DCDC1: variants seen among roughly 807,000 people sequenced by gnomAD.
DCDC1 encodes doublecortin domain containing 1.
Under a neutral mutation model 178.3 loss-of-function variants are expected in DCDC1, and 200 were observed. The ratio of observed to expected loss-of-function variants is 1.12; its 90% CI spans 1.00 to 1.26. The LOEUF (loss-of-function observed/expected upper bound fraction) is 1.26, where lower values mean the gene tolerates loss of function less well. Ranked by LOEUF, DCDC1 falls within the 50% of genes most tolerant of loss-of-function variation. DCDC1 has a pLI of 0.00. For missense variants in DCDC1, 1,983 were observed against 1,749.2 expected (o/e 1.13, Z -2.38); for synonymous variants, 690 against 604.8 (o/e 1.14, Z -2.07).
chr11:30,921,259 C>T (rs1297203047), intron 24 of DCDC1, among the ~76,000 whole-genome samples: 3 of 152,126 alleles, frequency 2.0e-5, no homozygotes, highest in Non-Finnish European at 4.4e-5. Context: ...GTGGAAGTCC[C>T]AGTCCCAGTC....
intron 2 of DCDC1, 120 bp from the exon 3 acceptor site, chr11:31,328,406 G>T: frequency 1.1e-6 from 1 of 935,762 alleles, no homozygotes; most frequent in Non-Finnish European, 1.5e-6. Flanking sequence ...ATATAGCAAT[G>T]ATTAAATGTG....
At chr11:30,982,672 A>C (rs553581251) in intron 20 of DCDC1, among the ~76,000 whole-genome samples, 15 of 152,286 alleles carry the variant, frequency 9.8e-5, no homozygotes, top group African/African-American at 2.9e-4. Context: ...ATTAGATCGT[A>C]TATCTCTAAA....
At chr11:31,100,064 C>G (rs1214706947) in intron 15 of DCDC1, among the ~76,000 whole-genome samples, 1 of 152,006 alleles carries the variant, frequency 6.6e-6, no homozygotes, top group African/African-American at 2.4e-5. Flanking sequence ...AAACCCTGTG[C>G]TAGGATATGG....
intron 13 of DCDC1, among the ~76,000 whole-genome samples, chr11:31,104,915 T>C (rs1215047450): frequency 6.6e-6 from 1 of 151,914 alleles, no homozygotes; most frequent in African/African-American, 2.4e-5. Context: ...TTTTTCAAAA[T>C]AAAAAATTGA....
At chr11:30,958,894 G>A (rs1413583864) in intron 20 of DCDC1, among the ~76,000 whole-genome samples, 1 of 152,078 alleles carries the variant, frequency 6.6e-6, no homozygotes, top group Non-Finnish European at 1.5e-5. Context: ...GGAGGCAAAG[G>A]TCTGAAACCC....
rs576887858 is a variant in DCDC1 at position 30,945,833 on chromosome 11, A to T, written c.2715+6612T>A. ...TATAATTGTTTCTCTTTCCCTACAT[A>T]AAAAAAGTATCTTCTTGTGAGGCAG... On this transcript the variant is annotated intron_variant, in intron 21 of 38. Transcript: ENST00000684477. Among the ~76,000 whole-genome samples the T allele has an allele frequency of 4.7e-4, 71 of 152,116 alleles. No homozygotes were observed. In the South Asian group the frequency reaches 0.014, roughly 29 times the overall value.
At chr11:30,880,471 C>G (rs1043374542) in intron 37 of DCDC1, among the ~76,000 whole-genome samples, 2 of 152,124 alleles carry the variant, frequency 1.3e-5, no homozygotes, top group African/African-American at 4.8e-5. Context: ...TTTATGGTGA[C>G]TTCTTAAAAG....
intron 21 of DCDC1, among the ~76,000 whole-genome samples, chr11:30,934,642 T>A (rs575047264): frequency 6.6e-6 from 1 of 152,236 alleles, no homozygotes; most frequent in East Asian, 1.9e-4. Context: ...CACAGAGTCT[T>A]ATAGGTCTCA....
intron 9 of DCDC1, among the ~76,000 whole-genome samples, chr11:31,206,413 G>T (rs1229436488): frequency 5.3e-5 from 8 of 151,932 alleles, no homozygotes; most frequent in Admixed American, 5.3e-4. Flanking sequence ...TTCTGTGTTT[G>T]TTTGTTTGTT....
At chr11:31,009,262 T>C (rs1367937072) in intron 20 of DCDC1, among the ~76,000 whole-genome samples, 1 of 152,178 alleles carries the variant, frequency 6.6e-6, no homozygotes, top group East Asian at 1.9e-4. Flanking sequence ...GGTATAATAG[T>C]TCATATCCAA....
chr11:31,196,846 T>C (rs1392791268), intron 9 of DCDC1, among the ~76,000 whole-genome samples: 1 of 152,100 alleles, frequency 6.6e-6, no homozygotes, highest in African/African-American at 2.4e-5. Context: ...TCCAATCTTC[T>C]AGTAATGCCT....
chr11:31,158,742 A>G (rs1303998771), intron 9 of DCDC1, among the ~76,000 whole-genome samples: 3 of 152,222 alleles, frequency 2.0e-5, no homozygotes, highest in African/African-American at 7.2e-5. Context: ...AACTGCAACA[A>G]GATTAGCAAT....
At chr11:31,315,217 C>A (rs1395994264) in intron 3 of DCDC1, among the ~76,000 whole-genome samples, 1 of 150,738 alleles carries the variant, frequency 6.6e-6, no homozygotes, top group Non-Finnish European at 1.5e-5. Context: ...TCAACAATTT[C>A]TACCAAGTGG....
chr11:31,301,381 G>A (rs1393055587), intron 6 of DCDC1, among the ~76,000 whole-genome samples: 1 of 152,180 alleles, frequency 6.6e-6, no homozygotes, highest in Non-Finnish European at 1.5e-5. Context: ...GCTGGTATCT[G>A]TTTTGGCAAG....
chr11:31,012,006 G>A (rs1334229885), intron 20 of DCDC1, among the ~76,000 whole-genome samples: 1 of 152,106 alleles, frequency 6.6e-6, no homozygotes, highest in African/African-American at 2.4e-5. Context: ...GTGATACTGA[G>A]TGAGTTCTCA....
chr11:31,173,020 G>T (rs1008805428), intron 9 of DCDC1, among the ~76,000 whole-genome samples: 3 of 152,158 alleles, frequency 2.0e-5, no homozygotes, highest in Admixed American at 2.0e-4. Context: ...AGAGACCTTA[G>T]AAGGAATCAA....
At chr11:31,173,323 C>T (rs754839119) in intron 9 of DCDC1, among the ~76,000 whole-genome samples, 4 of 152,002 alleles carry the variant, frequency 2.6e-5, no homozygotes, top group African/African-American at 4.8e-5. Flanking sequence ...GGTACAATTA[C>T]GGATATTATT....
intron 20 of DCDC1, among the ~76,000 whole-genome samples, chr11:31,057,205 G>T (rs2135442710): frequency 7.0e-6 from 1 of 142,190 alleles, no homozygotes; most frequent in South Asian, 2.3e-4. Context: ...CTGTACTCTA[G>T]CCAGGGCAAT....
chr11:31,081,543 G>A (rs941640296), intron 17 of DCDC1, among the ~76,000 whole-genome samples: 1 of 152,094 alleles, frequency 6.6e-6, no homozygotes, highest in Non-Finnish European at 1.5e-5. Flanking sequence ...CCAGGAGGCG[G>A]AGGTTGCGGT....
Sources: allele counts gnomAD v4.1 joint callset (sites outside exome capture counted in the v4.1 genomes callset), GRCh38; gene constraint gnomAD v4.1.1; transcripts MANE v1.5; gene names NCBI Gene and HGNC (gene_info 2026-07-23, HGNC 2026-07-21).